Variants in PKIB observed in about 807,000 individuals in gnomAD.
PKIB encodes cAMP-dependent protein kinase inhibitor beta.
In PKIB, 2 loss-of-function variants were observed where a neutral mutation model predicts 4.5. The ratio of observed to expected loss-of-function variants is 0.44; its 90% confidence interval spans 0.18 to 1.39. The LOEUF is 1.39. PKIB is among the 40% of genes most tolerant of loss of function. The probability of loss-of-function intolerance (pLI) is 0.27; values close to 1 mark genes in which losing one functional copy is unlikely to be tolerated. For synonymous variants in PKIB, 38 were observed against 36.0 expected, an observed-to-expected ratio of 1.06 and a Z score of -0.20; for missense variants, 94 against 92.6, an observed-to-expected ratio of 1.02 and a Z score of -0.06.
chr6:122,595,006 T>G (rs991939878), intron 3 of PKIB, among the ~76,000 whole-genome samples: 25 of 152,300 alleles, frequency 1.6e-4, no homozygotes, highest in African/African-American at 5.8e-4. Flanking sequence ...TCCAGTTTAA[T>G]GGGATCGTTG....
chr6:122,606,134 C>A (rs1774527135), upstream of PKIB, among the ~76,000 whole-genome samples: 1 of 152,164 alleles, frequency 6.6e-6, no homozygotes, highest in Non-Finnish European at 1.5e-5. Context: ...GATGCAAAAT[C>A]CAATGACAAA....
At chr6:122,705,589 C>T (rs557906002) in intron 3 of PKIB, among the ~76,000 whole-genome samples, 37 of 113,382 alleles carry the variant, frequency 3.3e-4, no homozygotes, top group Admixed American at 2.1e-3. Context: ...TTTTTTGAGA[C>T]GGAGTCTTGC....
intron 2 of PKIB, among the ~76,000 whole-genome samples, chr6:122,561,203 G>A (rs1039026253): frequency 6.6e-6 from 1 of 151,844 alleles, no homozygotes; most frequent in Non-Finnish European, 1.5e-5. Flanking sequence ...TCTTAGCACT[G>A]CCTTTGCTGT....
intron 2 of PKIB, among the ~76,000 whole-genome samples, chr6:122,521,084 T>G (rs1448580149): frequency 6.6e-6 from 1 of 152,238 alleles, no homozygotes. Context: ...GCCCTATCTG[T>G]TGACCAATGC....
chr6:122,599,606 A>G (rs1774291180), intron 3 of PKIB, among the ~76,000 whole-genome samples: 2 of 152,026 alleles, frequency 1.3e-5, no homozygotes, highest in African/African-American at 2.4e-5. Flanking sequence ...TTCTTTCATC[A>G]CTTTGTCCAC....
chr6:122,507,990 TTTTG>T (rs1776466113), intron 2 of PKIB, among the ~76,000 whole-genome samples: 2 of 152,298 alleles, frequency 1.3e-5, no homozygotes, highest in African/African-American at 4.8e-5. Flanking sequence ...TTTTTTAATT[TTTTG>T]TTTATGTAAT....
chr6:122,687,560 A>C (rs1449049525), intron 3 of PKIB, among the ~76,000 whole-genome samples: 1 of 152,158 alleles, frequency 6.6e-6, no homozygotes, highest in African/African-American at 2.4e-5. Flanking sequence ...TGCTTTGGGT[A>C]ATATGGACGT....
intron 2 of PKIB, among the ~76,000 whole-genome samples, chr6:122,654,650 G>T (rs910314877): frequency 1.3e-5 from 2 of 152,198 alleles, no homozygotes; most frequent in African/African-American, 4.8e-5. Flanking sequence ...CCTACATTTT[G>T]GTGTTCTATC....
chr6:122,566,284 G>A (rs537306798), intron 2 of PKIB, among the ~76,000 whole-genome samples: 1 of 152,108 alleles, frequency 6.6e-6, no homozygotes, highest in Non-Finnish European at 1.5e-5. Context: ...TGGGCCAGGA[G>A]TCAGAAGAAA....
chr6:122,690,578 T>C (rs1308565391), intron 3 of PKIB, among the ~76,000 whole-genome samples: 1 of 152,112 alleles, frequency 6.6e-6, no homozygotes, highest in African/African-American at 2.4e-5. Context: ...TTTTAAGTTT[T>C]TGATGTTTCT....
intron 2 of PKIB, among the ~76,000 whole-genome samples, chr6:122,534,998 C>T (rs1343893253): frequency 6.6e-6 from 1 of 152,196 alleles, no homozygotes. Context: ...TGCTATAATG[C>T]ATTCATAATG....
intron 2 of PKIB, among the ~76,000 whole-genome samples, chr6:122,508,359 GT>G (rs1776481295): frequency 1.3e-5 from 2 of 152,230 alleles, no homozygotes; most frequent in Admixed American, 1.3e-4. Flanking sequence ...GTTAACACCA[GT>G]TTTTTGATGC....
At chr6:122,581,936 G>C (rs917663421) in intron 2 of PKIB, 4 of 152,006 alleles carry the variant, frequency 2.6e-5, no homozygotes, top group African/African-American at 9.7e-5. Context: ...CTCAATGGAA[G>C]GTGAGCAATG....
intron 2 of PKIB, among the ~76,000 whole-genome samples, chr6:122,497,460 TCTG>T (rs1776105973): frequency 6.6e-6 from 1 of 152,220 alleles, no homozygotes. Context: ...GACCCATTCA[TCTG>T]CTGTCTTCAA....
chr6:122,487,499 A>T (rs117241006), intron 2 of PKIB, among the ~76,000 whole-genome samples: 1 of 152,150 alleles, frequency 6.6e-6, no homozygotes, highest in South Asian at 2.1e-4. Flanking sequence ...TTGTTAGGGG[A>T]CAGCCTTCAT....
At chr6:122,632,173 T>C (rs1341812685) in intron 1 of PKIB, among the ~76,000 whole-genome samples, 1 of 152,062 alleles carries the variant, frequency 6.6e-6, no homozygotes, top group Admixed American at 6.6e-5. Context: ...ATTAAGAGCC[T>C]GGAATAGATA....
At chr6:122,663,274 AC>A (rs1777081817) in intron 2 of PKIB, among the ~76,000 whole-genome samples, 1 of 152,200 alleles carries the variant, frequency 6.6e-6, no homozygotes, top group Non-Finnish European at 1.5e-5. Flanking sequence ...AATTGGCTAC[AC>A]ATTTAGGGAT....
chr6:122,722,237 G>A (rs1779774015), intron 4 of PKIB, among the ~76,000 whole-genome samples: 1 of 151,944 alleles, frequency 6.6e-6, no homozygotes, highest in African/African-American at 2.4e-5. Flanking sequence ...GCAGATTATT[G>A]TTTCTTTTTA....
At chr6:122,656,640 G>A (rs1776786958) in intron 2 of PKIB, among the ~76,000 whole-genome samples, 1 of 152,204 alleles carries the variant, frequency 6.6e-6, no homozygotes, top group Admixed American at 6.5e-5. Context: ...ACCCAGGCGG[G>A]AGAAGTGAGG....
Sources: allele counts gnomAD v4.1 joint callset (sites outside exome capture counted in the v4.1 genomes callset), GRCh38; gene constraint gnomAD v4.1.1; transcripts MANE v1.5; gene names NCBI Gene and HGNC (gene_info 2026-07-23, HGNC 2026-07-21).